Variants in STOM observed in about 807,000 individuals in gnomAD.
The protein encoded by STOM is erythrocyte band 7 integral membrane protein.
STOM carries 25 observed loss-of-function variants against 30.6 expected under a neutral mutation model. The observed-to-expected ratio is 0.82, with a 90% CI of 0.60 to 1.14. STOM has a LOEUF of 1.14. Among genes scored for constraint, STOM ranks in the 50% most tolerant of loss-of-function variants. The pLI is 0.00. For missense variants in STOM, 292 were observed against 365.2 expected (o/e 0.80, Z 1.63); for synonymous variants, 118 against 130.8 (o/e 0.90, Z 0.67).
chr9:121,367,100 G>T (rs1231167770), intron 1 of STOM, among the ~76,000 whole-genome samples: 1 of 152,010 alleles, frequency 6.6e-6, no homozygotes, highest in Non-Finnish European at 1.5e-5. Context: ...TTTAATTATG[G>T]GAGGGGAGGG....
chr9:121,367,130 T>C (rs2064512397), intron 1 of STOM, among the ~76,000 whole-genome samples: 1 of 152,110 alleles, frequency 6.6e-6, no homozygotes, highest in African/African-American at 2.4e-5. Context: ...GTCAAACTGA[T>C]AAATATGTTA....
At chr9:121,356,827 A>G (rs1378590071) in intron 1 of STOM, among the ~76,000 whole-genome samples, 1 of 152,172 alleles carries the variant, frequency 6.6e-6, no homozygotes. Context: ...TACTAAAAAT[A>G]CAAAAATTAG....
At chr9:121,349,001 G>GA (rs553166367) in intron 5 of STOM, 119 bp downstream of exon 5, 7,008 of 1,136,204 alleles carry the variant, frequency 6.2e-3, no homozygotes, top group Non-Finnish European at 6.8e-3. Context: ...TTACTATGAA[G>GA]AAAAAAAAAC....
At chr9:121,366,468 C>A (rs1269354836) in intron 1 of STOM, among the ~76,000 whole-genome samples, 2 of 151,990 alleles carry the variant, frequency 1.3e-5, no homozygotes, top group Admixed American at 6.6e-5. Flanking sequence ...TTATTAAGGA[C>A]AATATATTAT....
At chr9:121,355,686 T>C (rs1287297532) in intron 2 of STOM, among the ~76,000 whole-genome samples, 1 of 152,150 alleles carries the variant, frequency 6.6e-6, no homozygotes, top group Non-Finnish European at 1.5e-5. Context: ...TGTTACTTTC[T>C]CCCATTTTAC....
Position 121,339,572 on chromosome 9 carries a change from G to C in STOM, c.*1630C>G. Reference sequence around the variant, plus strand: ...GGTTGAGCTAAAGAGAGCTATAAAGGCTCGTGCTGGGAAAGAAAGCTGTTA... The same window carrying C: ...GGTTGAGCTAAAGAGAGCTATAAAGCCTCGTGCTGGGAAAGAAAGCTGTTA... On this transcript the variant is annotated 3_prime_UTR_variant, in exon 7 of 7. Coordinates refer to ENST00000286713, the MANE Select transcript of STOM (RefSeq NM_004099.6). 8.1e-7 allele frequency: 1 copy of C among 1,231,250 alleles called. No homozygotes were observed. The highest frequency in any genetic ancestry group is 1.0e-6 in the Non-Finnish European group (1 of 987,738). 76.3% of individuals were successfully genotyped at this position (1,231,250 alleles called of 1,614,324 possible). A position where few individuals can be genotyped will look rare whatever the true frequency, so the allele number is the denominator to read the frequency against.
chr9:121,353,958 G>C (rs1180327743), intron 3 of STOM, among the ~76,000 whole-genome samples: 1 of 152,136 alleles, frequency 6.6e-6, no homozygotes, highest in African/African-American at 2.4e-5. Context: ...ACAGCTCTCT[G>C]TGAGTACTTG....
chr9:121,340,914 T>A lies in STOM; in HGVS notation c.*288A>T. On this transcript the variant is annotated 3_prime_UTR_variant, in exon 7 of 7. Transcript: ENST00000286713. ...CCTCTGGCCTGGGTGCTTAGGGGGT[T>A]CAGAATGAGTCAGTGGAAGTCAAAA... is the stretch of plus-strand genomic sequence containing the variant. 1 of 1,229,900 alleles carries A rather than the reference T, an allele frequency of 8.1e-7. No individual in the cohort carries two copies. 76.2% of individuals were successfully genotyped at this position (1,229,900 alleles called of 1,614,324 possible).
intron 4 of STOM, among the ~76,000 whole-genome samples, chr9:121,350,589 G>A (rs2134028828): frequency 6.6e-6 from 1 of 152,294 alleles, no homozygotes; most frequent in South Asian, 2.1e-4. Context: ...CCTGAACTGA[G>A]TCCCATCTCT....
chr9:121,341,190 C>G lies in STOM; in HGVS notation c.*12G>C, dbSNP rs749968841. 10 of 1,613,984 alleles carry G rather than the reference C, an allele frequency of 6.2e-6. No homozygotes were observed. The Admixed American group carries it at 1.5e-4, about 24-fold the overall frequency. ...CGACTTCATGCTTGGAAGGCTAGCG[C>G]TCATCTCTACACTAGCCTAGATGGC... On this transcript the variant is annotated 3_prime_UTR_variant, in exon 7 of 7. Coordinates refer to ENST00000286713, the MANE Select transcript of STOM (RefSeq NM_004099.6).
Position 121,340,338 on chromosome 9 carries a change from G to A in STOM, c.*864C>T, listed in dbSNP as rs943053205. Reference sequence around the variant, plus strand: ...TCATTAGTCTTGGCTATTTCCTCTAGTTCTGACAAGTACAGGCAAGAAAAT... The same window carrying A: ...TCATTAGTCTTGGCTATTTCCTCTAATTCTGACAAGTACAGGCAAGAAAAT... On this transcript the variant is annotated 3_prime_UTR_variant, in exon 7 of 7. Transcript: ENST00000286713. 41 of 985,242 alleles carry A rather than the reference G, an allele frequency of 4.2e-5. No individual in the cohort carries two copies. In the African/African-American group the frequency reaches 7.0e-4, roughly 17 times the overall value. 61.0% of individuals were successfully genotyped at this position (985,242 alleles called of 1,614,324 possible).
At chr9:121,370,022 C>G (rs1589303038) in intron 1 of STOM, 105 bp downstream of exon 1, 1 of 1,110,314 alleles carries the variant, frequency 9.0e-7, no homozygotes, top group Non-Finnish European at 1.3e-6. Flanking sequence ...CTCGCCCAGC[C>G]CGAAGCAGCG....
chr9:121,346,899 C>G (rs1045862632), intron 6 of STOM, among the ~76,000 whole-genome samples: 6 of 152,196 alleles, frequency 3.9e-5, no homozygotes, highest in Non-Finnish European at 7.3e-5. Context: ...CCAGTGATGA[C>G]CAGCTACTAC....
chr9:121,350,872 T>G (rs560968693), intron 4 of STOM, among the ~76,000 whole-genome samples: 1 of 152,220 alleles, frequency 6.6e-6, no homozygotes, highest in East Asian at 1.9e-4. Flanking sequence ...ACTTCTAACA[T>G]GGAAGAGAAG....
Position 121,348,015 on chromosome 9 carries a change from C to A in STOM, c.660G>T (p.Lys220Asn). The change falls in exon 6 of 7, where the codon AAG (lysine) becomes AAT (asparagine). Residue 220 changes from lysine to asparagine, a missense_variant and splice_region_variant. Lys to Asn is a moderately conservative substitution (Grantham distance 94). Coordinates refer to ENST00000286713, the MANE Select transcript of STOM (RefSeq NM_004099.6). ...AAAACAAGTTTAAAAAAAAAGTTAC[C>A]TTGGCGCGGGCCTCGCGGGACGCTT... Reference protein sequence around the residue: ...EAEASREARAKVIAAEGEMNA... With the variant: ...EAEASREARANVIAAEGEMNA... 6.2e-7 allele frequency: 1 copy of A among 1,604,336 alleles called. No homozygotes were observed. The highest frequency in any genetic ancestry group is 8.5e-7 in the Non-Finnish European group (1 of 1,175,962).
At chr9:121,347,198 T>A (rs2064296884) in intron 6 of STOM, among the ~76,000 whole-genome samples, 1 of 152,222 alleles carries the variant, frequency 6.6e-6, no homozygotes, top group Non-Finnish European at 1.5e-5. Context: ...CAGTGAGATG[T>A]GGCACAGGAA....
chr9:121,365,614 A>G (rs1276499762), intron 1 of STOM, among the ~76,000 whole-genome samples: 4 of 152,068 alleles, frequency 2.6e-5, no homozygotes, highest in Non-Finnish European at 5.9e-5. Context: ...AAACTAGATG[A>G]TAAAGTTCTC....
intron 1 of STOM, among the ~76,000 whole-genome samples, chr9:121,356,699 G>A (rs1014839491): frequency 1.2e-4 from 19 of 152,064 alleles, no homozygotes; most frequent in African/African-American, 4.6e-4. Flanking sequence ...AAAGAAAGTG[G>A]AGGCTGGGCG....
intron 1 of STOM, among the ~76,000 whole-genome samples, chr9:121,363,981 A>AT (rs547901370): frequency 2.2e-4 from 33 of 152,186 alleles, no homozygotes; most frequent in African/African-American, 7.7e-4. Context: ...AATTAATCAA[A>AT]TTTTTACTAT....
Sources: gnomAD v4.1 joint callset for allele counts (sites outside exome capture counted in the v4.1 genomes callset) on GRCh38, gnomAD v4.1.1 for gene constraint, MANE v1.5 for transcripts, NCBI Gene and HGNC (gene_info 2026-07-23, HGNC 2026-07-21) for gene names.